Variants in WWP1 observed in about 807,000 individuals in gnomAD.
The protein encoded by WWP1 is WW domain containing E3 ubiquitin protein ligase 1.
WWP1 carries 49 observed loss-of-function variants against 130.6 expected under a neutral mutation model. That is an observed-to-expected ratio of 0.38 (90% CI 0.30 to 0.48). The LOEUF (loss-of-function observed/expected upper bound fraction) is 0.48, where lower values mean the gene tolerates loss of function less well. Ranked by LOEUF, WWP1 falls within the 20% of genes least tolerant of loss-of-function variation. WWP1 has a pLI of 0.99. For missense variants in WWP1, 809 were observed against 1,100.6 expected, an observed-to-expected ratio of 0.74 and a Z score of 3.75; for synonymous variants, 332 against 367.8, an observed-to-expected ratio of 0.90 and a Z score of 1.11.
At chr8:86,346,629 T>G (rs1822599722) in intron 1 of WWP1, among the ~76,000 whole-genome samples, 2 of 152,182 alleles carry the variant, frequency 1.3e-5, no homozygotes, top group Non-Finnish European at 2.9e-5. Context: ...CCTGTAAGAT[T>G]ATCTCCCTGG....
chr8:86,445,592 T>A (rs985374093), intron 18 of WWP1, among the ~76,000 whole-genome samples: 1 of 152,230 alleles, frequency 6.6e-6, no homozygotes, highest in Non-Finnish European at 1.5e-5. Context: ...AGGTCTTTCC[T>A]ATTGTGAGTA....
chr8:86,435,364 T>A, intron 14 of WWP1, 88 bp from the exon 15 acceptor site: 1 of 1,369,432 alleles, frequency 7.3e-7, no homozygotes, highest in Middle Eastern at 2.4e-4. Flanking sequence ...GGTATTTTGT[T>A]GGACTTTAGT....
chr8:86,457,504 C>G (rs1313258947), intron 21 of WWP1, among the ~76,000 whole-genome samples: 1 of 151,646 alleles, frequency 6.6e-6, no homozygotes, highest in Non-Finnish European at 1.5e-5. Context: ...TTTACACACA[C>G]ACACCATACC....
At chr8:86,439,674 C>T (rs1810490987) in intron 17 of WWP1, among the ~76,000 whole-genome samples, 1 of 152,142 alleles carries the variant, frequency 6.6e-6, no homozygotes, top group Non-Finnish European at 1.5e-5. Flanking sequence ...TTTCTACATT[C>T]ACTAAATATA....
chr8:86,345,534 C>T (rs566857314), intron 1 of WWP1, among the ~76,000 whole-genome samples: 3 of 152,200 alleles, frequency 2.0e-5, no homozygotes, highest in African/African-American at 7.2e-5. Flanking sequence ...CTCAGTCTCC[C>T]GAATAGCTTG....
chr8:86,370,700 G>A (rs1824235594), intron 2 of WWP1, among the ~76,000 whole-genome samples: 2 of 152,126 alleles, frequency 1.3e-5, no homozygotes, highest in Non-Finnish European at 2.9e-5. Context: ...GGAGTTGGAA[G>A]AATTTCTTCA....
At chr8:86,466,623 A>G (rs1278720366) in intron 24 of WWP1, among the ~76,000 whole-genome samples, 171 bp from the exon 25 acceptor site, 1 of 151,884 alleles carries the variant, frequency 6.6e-6, no homozygotes, top group East Asian at 1.9e-4. Flanking sequence ...ATGTTAAAAT[A>G]GTTTTTATAT....
intron 1 of WWP1, among the ~76,000 whole-genome samples, chr8:86,347,266 G>A (rs10101280): frequency 0.15 from 22,388 of 152,148 alleles, 4,506 homozygotes; most frequent in African/African-American, 0.46. Flanking sequence ...AATTACAGGC[G>A]TGAGCCATCG....
intron 11 of WWP1, among the ~76,000 whole-genome samples, chr8:86,428,889 C>T (rs1011600295): frequency 6.6e-6 from 1 of 152,056 alleles, no homozygotes; most frequent in African/African-American, 2.4e-5. Context: ...CACATGAAAA[C>T]CTTTGGTGAA....
chr8:86,398,547 A>G, intron 6 of WWP1, 25 bp from the exon 7 acceptor site: 2 of 1,611,286 alleles, frequency 1.2e-6, no homozygotes, highest in Non-Finnish European at 1.7e-6. Context: ...ATAAAAACCT[A>G]GTTTTTTTCT....
chr8:86,445,162 A>G (rs1193187871), intron 18 of WWP1, among the ~76,000 whole-genome samples: 2 of 152,134 alleles, frequency 1.3e-5, no homozygotes, highest in Non-Finnish European at 2.9e-5. Context: ...GCATTAGTCT[A>G]TTAGTTGCAG....
At chr8:86,430,797 C>CAATATA in intron 12 of WWP1, 46 bp downstream of exon 12, 1 of 740,756 alleles carries the variant, frequency 1.3e-6, no homozygotes, top group Non-Finnish European at 1.8e-6. Flanking sequence ...ATATATCTCT[C>CAATATA]CATATATATA....
intron 11 of WWP1, 51 bp from the exon 12 acceptor site, chr8:86,430,646 A>C (rs778273412): frequency 6.9e-7 from 1 of 1,444,904 alleles, no homozygotes; most frequent in South Asian, 1.3e-5. Context: ...TTCTACTTTC[A>C]TATTAAAACA....
At chr8:86,366,484 T>C (rs905738403) in intron 1 of WWP1, among the ~76,000 whole-genome samples, 1 of 152,206 alleles carries the variant, frequency 6.6e-6, no homozygotes, top group African/African-American at 2.4e-5. Context: ...TGAGAAAGCC[T>C]CTTACTCTTC....
chr8:86,440,616 C>CT (rs1269832236), intron 17 of WWP1: 2 of 440,376 alleles, frequency 4.5e-6, no homozygotes, highest in South Asian at 3.3e-5. Context: ...TGTTTTGTAT[C>CT]TTTTTTTAGG....
chr8:86,456,084 C>T (rs923716857), intron 21 of WWP1, among the ~76,000 whole-genome samples: 1 of 151,850 alleles, frequency 6.6e-6, no homozygotes, highest in Non-Finnish European at 1.5e-5. Context: ...TATAAGCCTA[C>T]CTCAGTCCAT....
At chr8:86,445,628 G>A (rs1029869546) in intron 18 of WWP1, among the ~76,000 whole-genome samples, 84 of 152,276 alleles carry the variant, frequency 5.5e-4, no homozygotes, top group African/African-American at 1.9e-3. Flanking sequence ...TACAGTGCTT[G>A]TGTCCTTTGG....
intron 1 of WWP1, among the ~76,000 whole-genome samples, chr8:86,354,323 T>G (rs1823132477): frequency 6.6e-6 from 1 of 152,230 alleles, no homozygotes; most frequent in Admixed American, 6.5e-5. Flanking sequence ...TAAATAAAAC[T>G]GCAGTAAAGT....
chr8:86,419,620 G>A (rs1262960511), intron 9 of WWP1, among the ~76,000 whole-genome samples: 1 of 152,196 alleles, frequency 6.6e-6, no homozygotes, highest in East Asian at 1.9e-4. Flanking sequence ...AGTTCAGACA[G>A]TCTGATAAGA....
Sources: allele counts gnomAD v4.1 joint callset (sites outside exome capture counted in the v4.1 genomes callset), GRCh38; gene constraint gnomAD v4.1.1; transcripts MANE v1.5; gene names NCBI Gene and HGNC (gene_info 2026-07-23, HGNC 2026-07-21).